The following LRRC36 variants were observed in gnomAD, a reference collection of about 807,000 sequenced individuals.
LRRC36 encodes leucine rich repeat containing 36.
Under a neutral mutation model 81.1 loss-of-function variants are expected in LRRC36, and 62 were observed. The observed-to-expected ratio is 0.76, with a 90% CI of 0.62 to 0.94. LRRC36 has a LOEUF of 0.94. LRRC36 is among the 40% of genes least tolerant of loss of function. The probability of loss-of-function intolerance (pLI) is 0.00; values close to 1 mark genes in which losing one functional copy is unlikely to be tolerated. For synonymous variants in LRRC36, 334 were observed against 348.6 expected (o/e 0.96, Z 0.47); for missense variants, 761 against 881.7 (o/e 0.86, Z 1.73).
chr16:67,337,635 C>T (rs2037826682), intron 1 of LRRC36, among the ~76,000 whole-genome samples: 1 of 151,946 alleles, frequency 6.6e-6, no homozygotes, highest in Non-Finnish European at 1.5e-5. Context: ...GCTGGGATTA[C>T]AGGCGTGAGC....
At chr16:67,351,663 C>T (rs1242591997) in intron 5 of LRRC36, among the ~76,000 whole-genome samples, 3 of 152,120 alleles carry the variant, frequency 2.0e-5, no homozygotes, top group South Asian at 2.1e-4. Context: ...GCCCAGATTG[C>T]GCCACTGCAC....
chr16:67,365,556 T>C (rs1200887106), intron 7 of LRRC36, among the ~76,000 whole-genome samples: 1 of 152,126 alleles, frequency 6.6e-6, no homozygotes, highest in African/African-American at 2.4e-5. Flanking sequence ...ACCTCCTTTG[T>C]TCTTGATTTT....
At chr16:67,370,770 G>C (rs1214965664) in intron 8 of LRRC36, among the ~76,000 whole-genome samples, 174 bp from the exon 9 acceptor site, 1 of 152,094 alleles carries the variant, frequency 6.6e-6, no homozygotes, top group African/African-American at 2.4e-5. Flanking sequence ...TCTGGTGTAG[G>C]CTTGGAACAT....
At position 67,350,267 on chromosome 16, in the gene LRRC36, A is replaced by T; in HGVS notation, c.554A>T (p.Asn185Ile). ...GESSASKVSA[N>I]VDSRIEMDSN... ...AGCTCTGCATCAAAAGTCAGTGCTA[A>T]TGTTGACAGCAGGATTGAAATGGGT... The change falls in exon 5 of 14, where the codon AAT becomes ATT. Residue 185 changes from asparagine to isoleucine, a missense_variant. Transcript: ENST00000329956. 6.2e-7 allele frequency: 1 copy of T among 1,613,528 alleles called. No homozygotes were observed. The highest frequency in any genetic ancestry group is 8.5e-7 in the Non-Finnish European group (1 of 1,179,718).
Position 67,342,018 on chromosome 16 carries a change from T to G in LRRC36, c.132T>G (p.Asp44Glu). The change falls in exon 2 of 14, where the codon GAT becomes GAG. Residue 44 changes from aspartate to glutamate, a missense_variant. By Grantham distance (45) the Asp-to-Glu change is conservative. Transcript: ENST00000329956. The stretch of plus-strand genomic sequence containing the variant: ...CTGGCAAAATCCATTCCATTGGTGA[T>G]GCCTTCAGAAATTTTAAAAATCTCC... ...SYAGKIHSIGDAFRNFKNLRS... is the reference protein window; with the variant it reads ...SYAGKIHSIGEAFRNFKNLRS... The G allele has an allele frequency of 6.2e-7, 1 of 1,610,298 alleles. No homozygotes were observed. The highest frequency in any genetic ancestry group is 8.5e-7 in the Non-Finnish European group (1 of 1,177,136).
chr16:67,376,278 A>T (rs1304226890), intron 10 of LRRC36, among the ~76,000 whole-genome samples: 1 of 152,250 alleles, frequency 6.6e-6, no homozygotes, highest in Non-Finnish European at 1.5e-5. Flanking sequence ...ATGGCACTCC[A>T]GCCTGGGCAA....
At chr16:67,334,952 G>C (rs1567465626) in intron 1 of LRRC36, among the ~76,000 whole-genome samples, 1 of 152,076 alleles carries the variant, frequency 6.6e-6, no homozygotes, top group Non-Finnish European at 1.5e-5. Flanking sequence ...AATAGGGGGT[G>C]GGTCACATAG....
chr16:67,326,910 G>A lies in LRRC36; in HGVS notation c.48G>A (p.Gly16=). 6.7e-7 allele frequency: 1 copy of A among 1,486,100 alleles called. No homozygotes were observed. Among genetic ancestry groups the A allele is most frequent in the Non-Finnish European group, 8.9e-7 (1 of 1,129,784 alleles). 92.1% of individuals were successfully genotyped at this position (1,486,100 alleles called of 1,614,324 possible). The change falls in exon 1 of 14, where the codon GGG becomes GGA. Residue 16 remains glycine, a synonymous_variant. Coordinates refer to ENST00000329956, the MANE Select transcript of LRRC36 (RefSeq NM_018296.6). The stretch of plus-strand genomic sequence containing the variant: ...ACGAGGAAGGCATTCGCCGCCTGGG[G>A]GCGCTGACGCTGGAGCAGCCGGGTA... ...ELDEEGIRRL[G]ALTLEQPELV...
intron 1 of LRRC36, among the ~76,000 whole-genome samples, chr16:67,341,296 T>TCTATAGA (rs144594333): frequency 7.2e-6 from 1 of 139,110 alleles, no homozygotes; most frequent in Non-Finnish European, 1.5e-5. Flanking sequence ...CTATAGACAG[T>TCTATAGA]CTATAGACTA....
Position 67,376,762 on chromosome 16 carries a change from C to T in LRRC36, c.1696C>T (p.Pro566Ser). 6.2e-7 allele frequency: 1 copy of T among 1,613,540 alleles called. No individual in the cohort carries two copies. The highest frequency in any genetic ancestry group is 8.5e-7 in the Non-Finnish European group (1 of 1,179,566). The change falls in exon 11 of 14, where the codon CCG (proline) becomes TCG (serine). Residue 566 changes from proline to serine, a missense_variant. By Grantham distance (74) the Pro-to-Ser change is moderately conservative. Transcript: ENST00000329956. ...AGATTTGCTTCTGTCTTTGGTAGTCCCGGCTCCTTCTCAGCCGAGGTGTTG... is the reference window on the plus strand; with the variant it reads ...AGATTTGCTTCTGTCTTTGGTAGTCTCGGCTCCTTCTCAGCCGAGGTGTTG... Reference protein sequence around the residue: ...ARDLLLSLVVPAPSQPRCCSH... With the variant: ...ARDLLLSLVVSAPSQPRCCSH...
In LRRC36 at chr16:67,352,005, C is replaced by A. The variant is rs1401718089; in HGVS notation, c.577+1715C>A. On this transcript the variant is annotated intron_variant, in intron 5 of 13. Transcript: ENST00000329956. Reference sequence around the variant, plus strand: ...AGGCATTTAAGTATCCATTTCCAGACAGAGAAAAATACATTGAAGCATAAT... The same window carrying A: ...AGGCATTTAAGTATCCATTTCCAGAAAGAGAAAAATACATTGAAGCATAAT... Among the ~76,000 whole-genome samples the A allele has an allele frequency of 2.0e-5, 3 of 152,076 alleles. No homozygotes were observed. In the South Asian group the frequency reaches 6.2e-4, roughly 32 times the overall value.
chr16:67,363,515 A>G (rs1009766280), intron 5 of LRRC36, 75 bp from the exon 6 acceptor site: 2 of 1,486,778 alleles, frequency 1.3e-6, no homozygotes, highest in African/African-American at 1.4e-5. Flanking sequence ...TCCTTTTAGT[A>G]TCTATCCATT....
At chr16:67,330,897 C>T (rs1296461577) in intron 1 of LRRC36, among the ~76,000 whole-genome samples, 2 of 151,824 alleles carry the variant, frequency 1.3e-5, no homozygotes, top group Admixed American at 1.3e-4. Flanking sequence ...TGTCTTAGTC[C>T]CTTTTCTCTT....
In LRRC36 at chr16:67,326,870, A is replaced by G. The variant is rs772450799; in HGVS notation, c.8A>G (p.Glu3Gly). 80 of 1,434,206 alleles carry G rather than the reference A, an allele frequency of 5.6e-5. No individual in the cohort carries two copies. Among genetic ancestry groups the G allele is most frequent in the Non-Finnish European group, 7.0e-5 (77 of 1,103,982 alleles). The allele number at this position is 1,434,206 out of a possible 1,614,324, so 88.8% of individuals were successfully genotyped here. Residue 3 changes from glutamate to glycine, a missense_variant, in exon 1 of 14, where the codon GAG (glutamate) becomes GGG (glycine). Physicochemically the swap from Glu to Gly is moderately conservative, Grantham distance 98. This residue lies in a region of LRRC36 where 263 missense variants were observed against 279.3 expected (regional missense o/e 0.94). Transcript: ENST00000329956. MA[E>G]QWELDEEGIR... Reference sequence around the variant, plus strand: ...GGTGAGCGGCGGGCGGGGATGGCGGAGCAATGGGAGCTGGACGAGGAAGGC... The same window carrying G: ...GGTGAGCGGCGGGCGGGGATGGCGGGGCAATGGGAGCTGGACGAGGAAGGC...
At chr16:67,355,846 A>T (rs2038880711) in intron 5 of LRRC36, among the ~76,000 whole-genome samples, 1 of 152,162 alleles carries the variant, frequency 6.6e-6, no homozygotes, top group South Asian at 2.1e-4. Flanking sequence ...TATGGCAGAT[A>T]TGGAAACAAA....
At chr16:67,341,081 CATATTCTAT>C (rs2038045440) in intron 1 of LRRC36, among the ~76,000 whole-genome samples, 1 of 106,848 alleles carries the variant, frequency 9.4e-6, no homozygotes, top group African/African-American at 4.5e-5. Flanking sequence ...ATGTACTCTA[CATATTCTAT>C]AGAATATGTA....
At chr16:67,342,146 TAAG>T in intron 2 of LRRC36, 62 bp downstream of exon 2, 2 of 1,241,956 alleles carry the variant, frequency 1.6e-6, no homozygotes, top group Non-Finnish European at 2.2e-6. Context: ...TGGGAAGAAA[TAAG>T]AGATAGATCA....
chr16:67,336,025 C>G (rs1597426224), intron 1 of LRRC36, among the ~76,000 whole-genome samples: 3 of 152,234 alleles, frequency 2.0e-5, no homozygotes, highest in Admixed American at 2.0e-4. Flanking sequence ...AGCCACCGCA[C>G]CCGGCCCAAC....
intron 1 of LRRC36, among the ~76,000 whole-genome samples, chr16:67,334,697 TCCCTCAC>T (rs1400763806): frequency 6.6e-6 from 1 of 152,070 alleles, no homozygotes; most frequent in African/African-American, 2.4e-5. Flanking sequence ...TGTTTATCCC[TCCCTCAC>T]CCCAAACCCC....
Sources: allele counts gnomAD v4.1 joint callset (sites outside exome capture counted in the v4.1 genomes callset), GRCh38; gene constraint gnomAD v4.1.1; regional missense constraint gnomAD v4.1.1; transcripts MANE v1.5; gene names NCBI Gene and HGNC (gene_info 2026-07-23, HGNC 2026-07-21).